Variants in AK5 observed in about 807,000 individuals in gnomAD.
AK5 encodes the protein adenylate kinase 5.
AK5 carries 27 observed loss-of-function variants against 69.5 expected under a neutral mutation model. The ratio of observed to expected loss-of-function variants is 0.39; its 90% CI spans 0.29 to 0.54. AK5 has a LOEUF of 0.54. Ranked by LOEUF, AK5 falls within the 20% of genes least tolerant of loss-of-function variation. AK5 has a pLI of 0.71. For synonymous variants in AK5, 260 were observed against 244.4 expected (o/e 1.06, Z -0.60); for missense variants, 531 against 700.4 (o/e 0.76, Z 2.73).
chr1:77,283,302 G>A, intron 1 of AK5: 1 of 985,354 alleles, frequency 1.0e-6, no homozygotes, highest in Non-Finnish European at 1.2e-6. Flanking sequence ...GGGGGGAGGA[G>A]GAGAAAAGAA....
intron 13 of AK5, among the ~76,000 whole-genome samples, chr1:77,541,816 G>A (rs984056129): frequency 5.9e-5 from 9 of 152,076 alleles, no homozygotes; most frequent in Non-Finnish European, 8.8e-5. Flanking sequence ...ACATTACCAC[G>A]GCACTCTGAT....
chr1:77,451,724 T>C (rs757258935), intron 8 of AK5, among the ~76,000 whole-genome samples: 1 of 152,206 alleles, frequency 6.6e-6, no homozygotes, highest in Non-Finnish European at 1.5e-5. Context: ...CAAATCATTC[T>C]CTTCCTCTCA....
chr1:77,376,837 C>T (rs561943676), intron 6 of AK5, among the ~76,000 whole-genome samples: 4 of 152,142 alleles, frequency 2.6e-5, no homozygotes, highest in South Asian at 2.1e-4. Context: ...GTGAGAGGAT[C>T]GCTTGAGTCT....
chr1:77,420,026 C>T lies in AK5; in HGVS notation c.1059+2311C>T, dbSNP rs573612111. 5.9e-5 allele frequency among the ~76,000 whole-genome samples: 9 copies of T among 152,094 alleles called. No individual in the cohort carries two copies. In the South Asian group the frequency reaches 1.2e-3, roughly 21 times the overall value. On this transcript the variant is annotated intron_variant, in intron 8 of 13. Transcript: ENST00000354567. ...TTAGAATATAATTACATAAAAGAAGCAAGGGCTCTTGTGGCAAGAAGCTTA... is the reference window on the plus strand; with the variant it reads ...TTAGAATATAATTACATAAAAGAAGTAAGGGCTCTTGTGGCAAGAAGCTTA...
At chr1:77,336,624 G>GT (rs777587471) in intron 5 of AK5, among the ~76,000 whole-genome samples, 11 of 151,750 alleles carry the variant, frequency 7.2e-5, no homozygotes, top group Non-Finnish European at 1.0e-4. Context: ...ATATTCTGTG[G>GT]TTTTTTTTGT....
chr1:77,403,191 T>G (rs1649359986), intron 6 of AK5, among the ~76,000 whole-genome samples: 1 of 152,210 alleles, frequency 6.6e-6, no homozygotes, highest in South Asian at 2.1e-4. Flanking sequence ...AGATTCTGGA[T>G]ATTAGCCCTT....
chr1:77,498,771 A>T (rs1450681140), intron 10 of AK5, among the ~76,000 whole-genome samples: 2 of 152,254 alleles, frequency 1.3e-5, no homozygotes, highest in African/African-American at 4.8e-5. Flanking sequence ...TCAGAAGTGA[A>T]TTGGAACAAG....
chr1:77,475,195 A>ATATATATATATG lies in AK5; in HGVS notation c.1060-8121_1060-8120insATATATATATGT, dbSNP rs1182380859. ...TATATATATATATATATATATATAT[A>ATATATATATATG]TGTGTGTGTGTGTGTGTGTATTCTA... On this transcript the variant is annotated intron_variant, in intron 8 of 13. Transcript: ENST00000354567. Among the ~76,000 whole-genome samples the ATATATATATATG allele has an allele frequency of 1.4e-3, 42 of 29,138 alleles. No homozygotes were observed. The East Asian group carries it at 0.022, about 15-fold the overall frequency. The allele number at this position is 29,138 out of a possible 152,430, so 19.1% of individuals were successfully genotyped here.
At chr1:77,463,569 TTA>T (rs1491348508) in intron 8 of AK5, among the ~76,000 whole-genome samples, 2 of 8,246 alleles carry the variant, frequency 2.4e-4, no homozygotes, top group African/African-American at 3.8e-4. Flanking sequence ...CTGTTTAGCT[TTA>T]AAAAAAAAAA....
intron 10 of AK5, among the ~76,000 whole-genome samples, chr1:77,489,407 A>G (rs973907827): frequency 2.0e-5 from 3 of 152,242 alleles, no homozygotes; most frequent in African/African-American, 7.2e-5. Flanking sequence ...CTCTTCTTCT[A>G]CTGTACATAC....
At chr1:77,513,847 C>T (rs764745391) in intron 10 of AK5, among the ~76,000 whole-genome samples, 10 of 152,182 alleles carry the variant, frequency 6.6e-5, no homozygotes, top group Non-Finnish European at 7.3e-5. Flanking sequence ...GAGGATTGCT[C>T]CTGTCAATAC....
chr1:77,502,579 G>A (rs577423399), intron 10 of AK5, among the ~76,000 whole-genome samples: 32 of 152,258 alleles, frequency 2.1e-4, no homozygotes, highest in Admixed American at 3.9e-4. Context: ...TCTAATGTAG[G>A]CCTCCTCCTG....
chr1:77,371,502 G>C (rs1365812592), intron 6 of AK5: 2 of 152,152 alleles, frequency 1.3e-5, no homozygotes, highest in Non-Finnish European at 2.9e-5. Context: ...CCTTAATCTG[G>C]TTAATTTTTT....
chr1:77,429,918 A>C (rs1431173891), intron 8 of AK5, among the ~76,000 whole-genome samples: 1 of 152,184 alleles, frequency 6.6e-6, no homozygotes, highest in Admixed American at 6.5e-5. Flanking sequence ...AGACCAGGAT[A>C]GCTGGAGTGC....
intron 8 of AK5, among the ~76,000 whole-genome samples, chr1:77,467,003 G>A (rs538106448): frequency 2.0e-5 from 3 of 152,316 alleles, no homozygotes; most frequent in East Asian, 3.9e-4. Context: ...ATACATGCAA[G>A]ACACTGAAAT....
intron 1 of AK5, 68 bp downstream of exon 1, chr1:77,282,441 A>G: frequency 6.7e-7 from 1 of 1,503,616 alleles, no homozygotes; most frequent in Non-Finnish European, 8.9e-7. Flanking sequence ...GGGTTGAGGC[A>G]GCCGCGCCCC....
chr1:77,307,970 G>A (rs1029456000), intron 5 of AK5, among the ~76,000 whole-genome samples: 9 of 152,278 alleles, frequency 5.9e-5, no homozygotes, highest in African/African-American at 1.9e-4. Context: ...CGATGGTGGA[G>A]CTGTCTATTC....
chr1:77,507,424 A>C (rs1029173133), intron 10 of AK5, among the ~76,000 whole-genome samples: 7 of 152,270 alleles, frequency 4.6e-5, no homozygotes, highest in Non-Finnish European at 4.4e-5. Context: ...AATTACAAGT[A>C]GAACACATAA....
At chr1:77,318,794 T>A (rs1034780883) in intron 5 of AK5, among the ~76,000 whole-genome samples, 1 of 152,020 alleles carries the variant, frequency 6.6e-6, no homozygotes, top group African/African-American at 2.4e-5. Flanking sequence ...GAGATTTCTG[T>A]CTACTCTCCA....
Sources: gnomAD v4.1 joint callset for allele counts (sites outside exome capture counted in the v4.1 genomes callset) on GRCh38, gnomAD v4.1.1 for gene constraint, MANE v1.5 for transcripts, NCBI Gene and HGNC (gene_info 2026-07-23, HGNC 2026-07-21) for gene names.